The following NR2C2 variants were observed in gnomAD, a reference collection of about 807,000 sequenced individuals.
NR2C2 encodes the protein nuclear receptor subfamily 2 group C member 2, also known as Nuclear hormone receptor TR4.
A neutral mutation model predicts 62.9 loss-of-function variants in NR2C2; 6 were observed. The observed-to-expected ratio is 0.10, with a 90% CI of 0.05 to 0.19. The LOEUF (loss-of-function observed/expected upper bound fraction) is 0.19, where lower values mean the gene tolerates loss of function less well. NR2C2 is among the 10% of genes least tolerant of loss of function. The pLI, the probability that NR2C2 is intolerant of heterozygous loss-of-function variation, is 1.00. For synonymous variants in NR2C2, 272 were observed against 273.8 expected (o/e 0.99, Z 0.07); for missense variants, 479 against 762.7 (o/e 0.63, Z 4.38).
chr3:14,961,651 G>A (rs1196867771), intron 1 of NR2C2, among the ~76,000 whole-genome samples: 1 of 152,086 alleles, frequency 6.6e-6, no homozygotes, highest in Non-Finnish European at 1.5e-5. Flanking sequence ...CTTCAGCAAT[G>A]CTGGTACTCA....
rs137903993 is a variant in NR2C2 at position 15,023,303 on chromosome 3, C to T, written c.660C>T (p.Pro220=). 33 of 1,614,058 alleles carry T rather than the reference C, an allele frequency of 2.0e-5. No homozygotes were observed. The highest frequency in any genetic ancestry group is 1.1e-4 in the African/African-American group (8 of 74,940). Residue 220 remains proline (P), a synonymous_variant, in exon 6 of 14, where the codon CCC becomes CCT. Transcript: ENST00000425241. ...KIYIRKDLRS[P]LIATPTFVAD... is the part of the protein sequence containing the mutation. ...ATATCCGGAAAGACCTGAGAAGTCC[C>T]CTGATAGCTACTCCCACGTTTGTGG... is the stretch of plus-strand genomic sequence containing the variant.
intron 1 of NR2C2, among the ~76,000 whole-genome samples, chr3:14,968,497 G>A (rs1382588949): frequency 6.6e-6 from 1 of 151,532 alleles, no homozygotes; most frequent in East Asian, 1.9e-4. Flanking sequence ...AGGTGCTGGA[G>A]AGGATGTGGA....
intron 1 of NR2C2, among the ~76,000 whole-genome samples, chr3:14,956,499 A>C (rs909233164): frequency 3.3e-5 from 5 of 152,208 alleles, no homozygotes; most frequent in African/African-American, 1.2e-4. Context: ...GTACAGTTTA[A>C]CAGGGCGAAT....
intron 1 of NR2C2, among the ~76,000 whole-genome samples, chr3:14,954,164 T>TACCAAG (rs2039453166): frequency 6.6e-6 from 1 of 152,192 alleles, no homozygotes; most frequent in Non-Finnish European, 1.5e-5. Context: ...TTGATTGCTT[T>TACCAAG]ACCAAGACTA....
chr3:14,974,324 G>A (rs997691777), intron 1 of NR2C2, among the ~76,000 whole-genome samples: 1 of 152,156 alleles, frequency 6.6e-6, no homozygotes, highest in African/African-American at 2.4e-5. Flanking sequence ...TGGGAAGTAC[G>A]AGATATCTAA....
At chr3:15,041,250 T>TAGGA (rs2042255891) in intron 13 of NR2C2, among the ~76,000 whole-genome samples, 2 of 152,202 alleles carry the variant, frequency 1.3e-5, no homozygotes, top group African/African-American at 4.8e-5. Context: ...TTCCCCATCC[T>TAGGA]TGTGCCTTTT....
At chr3:14,981,093 A>G (rs943125027) in intron 1 of NR2C2, among the ~76,000 whole-genome samples, 1 of 152,250 alleles carries the variant, frequency 6.6e-6, no homozygotes, top group Admixed American at 6.5e-5. Context: ...GCAACAGATC[A>G]TACCATAGTA....
At chr3:15,023,058 A>G (rs2041721906) in intron 5 of NR2C2, 142 bp from the exon 6 acceptor site, 1 of 900,148 alleles carries the variant, frequency 1.1e-6, no homozygotes, top group African/African-American at 1.7e-5. Context: ...TCTCTGGCCG[A>G]AAAGTCCACT....
At chr3:15,004,033 T>C (rs1559558063) in intron 2 of NR2C2, 47 bp downstream of exon 2, 1 of 1,527,980 alleles carries the variant, frequency 6.5e-7, no homozygotes, top group Non-Finnish European at 8.9e-7. Context: ...AGAAGAACTC[T>C]TTCCAAAAAC....
intron 5 of NR2C2, among the ~76,000 whole-genome samples, chr3:15,022,532 A>G (rs1402408799): frequency 2.0e-5 from 3 of 150,650 alleles, no homozygotes; most frequent in Non-Finnish European, 4.4e-5. Context: ...CAGCCTCCCA[A>G]GTAGCTGGGA....
intron 2 of NR2C2, among the ~76,000 whole-genome samples, chr3:15,013,120 C>A (rs887199909): frequency 2.0e-5 from 3 of 152,120 alleles, no homozygotes; most frequent in African/African-American, 7.2e-5. Flanking sequence ...TGTGTGTCAG[C>A]AGGGGTCTCC....
intron 9 of NR2C2, among the ~76,000 whole-genome samples, chr3:15,031,115 C>CT (rs907997388): frequency 6.6e-6 from 1 of 152,162 alleles, no homozygotes; most frequent in African/African-American, 2.4e-5. Context: ...CAGGCAGGCA[C>CT]TTTTGTCTCT....
chr3:15,002,645 CTTTTTTTTTTTT>C (rs371981775), intron 1 of NR2C2, among the ~76,000 whole-genome samples: 13 of 39,512 alleles, frequency 3.3e-4, no homozygotes, highest in African/African-American at 6.0e-4. Flanking sequence ...TCACAATATA[CTTTTTTTTTTTT>C]TTTTTTTTTT....
intron 1 of NR2C2, among the ~76,000 whole-genome samples, chr3:14,975,168 T>G (rs1220228384): frequency 6.6e-6 from 1 of 152,230 alleles, no homozygotes; most frequent in East Asian, 1.9e-4. Flanking sequence ...CTGTCGTCTG[T>G]GAATGAGGGA....
Position 15,046,587 on chromosome 3 carries a change from A to C in NR2C2, c.*3579A>C, listed in dbSNP as rs1240586269. 1 of 152,292 alleles carries C rather than the reference A, an allele frequency of 6.6e-6. No homozygotes were observed. The highest frequency in any genetic ancestry group is 2.4e-5 in the African/African-American group (1 of 41,476). The allele number at this position is 152,292 out of a possible 1,614,324, so 9.4% of individuals were successfully genotyped here. On this transcript the variant is annotated 3_prime_UTR_variant, in exon 14 of 14. Transcript: ENST00000425241. Reference sequence around the variant, plus strand: ...GGCCGCAATCAGCAGTTCATGCCACATGTGTACATCCATGTTCTGGGACCT... The same window carrying C: ...GGCCGCAATCAGCAGTTCATGCCACCTGTGTACATCCATGTTCTGGGACCT...
At chr3:14,950,445 T>C (rs949058473) in intron 1 of NR2C2, among the ~76,000 whole-genome samples, 22 of 152,088 alleles carry the variant, frequency 1.4e-4, no homozygotes, top group African/African-American at 5.3e-4. Context: ...TATTTTCTTA[T>C]CTGTGGTACC....
At chr3:15,038,836 T>C (rs1173527589) in intron 12 of NR2C2, 6 of 309,692 alleles carry the variant, frequency 1.9e-5, no homozygotes, top group Non-Finnish European at 2.9e-5. Flanking sequence ...TTTAAAACTA[T>C]GTGTTTTCTA....
Position 15,048,450 on chromosome 3 carries a change from T to C in NR2C2, c.*5442T>C, listed in dbSNP as rs2125126046. Reference sequence around the variant, plus strand: ...AAGTATCTTTGCGGGGAGAAAAATGTCAGATATTTTTAATGCCCAGCTATA... The same window carrying C: ...AAGTATCTTTGCGGGGAGAAAAATGCCAGATATTTTTAATGCCCAGCTATA... On this transcript the variant is annotated 3_prime_UTR_variant, in exon 14 of 14. Coordinates refer to ENST00000425241, the MANE Select transcript of NR2C2 (RefSeq NM_001291694.2). 1 of 152,722 alleles carries C rather than the reference T, an allele frequency of 6.5e-6. No individual in the cohort carries two copies. The highest frequency in any genetic ancestry group is 2.1e-4 in the South Asian group (1 of 4,830). 9.5% of individuals were successfully genotyped at this position (152,722 alleles called of 1,614,324 possible).
chr3:14,975,181 A>C (rs1574949487), intron 1 of NR2C2, among the ~76,000 whole-genome samples: 2 of 152,248 alleles, frequency 1.3e-5, no homozygotes, highest in East Asian at 3.9e-4. Context: ...ATGAGGGATA[A>C]TTTTACTTCT....
Sources: allele counts gnomAD v4.1 joint callset (sites outside exome capture counted in the v4.1 genomes callset), GRCh38; gene constraint gnomAD v4.1.1; transcripts MANE v1.5; gene names NCBI Gene and HGNC (gene_info 2026-07-23, HGNC 2026-07-21).